Variants in NNT observed in about 807,000 individuals in gnomAD.
The protein encoded by NNT is NAD(P) transhydrogenase, mitochondrial.
A neutral mutation model predicts 104.8 loss-of-function variants in NNT; 50 were observed. That is an observed-to-expected ratio of 0.48 (90% CI 0.38 to 0.60). The LOEUF (loss-of-function observed/expected upper bound fraction) is 0.60. Ranked by LOEUF, NNT falls within the 20% of genes least tolerant of loss-of-function variation. The pLI is 0.00. For synonymous variants in NNT, 461 were observed against 490.4 expected, an observed-to-expected ratio of 0.94 and a Z score of 0.79; for missense variants, 1,131 against 1,330.7, an observed-to-expected ratio of 0.85 and a Z score of 2.33.
chr5:43,632,309 TA>T (rs1265702486), intron 7 of NNT, among the ~76,000 whole-genome samples: 1 of 152,176 alleles, frequency 6.6e-6, no homozygotes, highest in Admixed American at 6.5e-5. Context: ...TTCTCTAAGC[TA>T]AGATTTATAG....
At position 43,651,111 on chromosome 5, in the gene NNT, A is replaced by G. The variant is rs971889087; in HGVS notation, c.1717+524A>G. On this transcript the variant is annotated intron_variant, in intron 12 of 21. Transcript: ENST00000344920. Reference sequence around the variant, plus strand: ...GGTTTTACAAATGTAACAACCTACTAGGAAAAGATACCAATCTTTGATCTT... The same window carrying G: ...GGTTTTACAAATGTAACAACCTACTGGGAAAAGATACCAATCTTTGATCTT... 6.6e-5 allele frequency among the ~76,000 whole-genome samples: 10 copies of G among 152,240 alleles called. 1 individual carries two copies. In the South Asian group the frequency reaches 1.2e-3, roughly 19 times the overall value.
chr5:43,689,230 T>A (rs1742138974), intron 19 of NNT, among the ~76,000 whole-genome samples: 1 of 152,202 alleles, frequency 6.6e-6, no homozygotes, highest in African/African-American at 2.4e-5. Flanking sequence ...TTAGATGGGA[T>A]CGTTTGTTTT....
At chr5:43,648,839 A>G (rs183380650) in intron 10 of NNT, among the ~76,000 whole-genome samples, 3 of 152,338 alleles carry the variant, frequency 2.0e-5, no homozygotes, top group East Asian at 3.8e-4. Context: ...ATTGTTAATA[A>G]AAGTTAAAAC....
At chr5:43,645,037 T>C (rs965815325) in intron 9 of NNT, among the ~76,000 whole-genome samples, 13 of 152,176 alleles carry the variant, frequency 8.5e-5, no homozygotes, top group African/African-American at 3.1e-4. Flanking sequence ...AAAACGGAGA[T>C]GAACAAACAA....
At chr5:43,636,297 T>G (rs1750927758) in intron 7 of NNT, among the ~76,000 whole-genome samples, 1 of 152,182 alleles carries the variant, frequency 6.6e-6, no homozygotes, top group Admixed American at 6.5e-5. Flanking sequence ...GCAATAAAAG[T>G]CCAGACATTC....
intron 17 of NNT, chr5:43,666,633 A>ATTT: frequency 4.6e-6 from 2 of 436,462 alleles, no homozygotes; most frequent in Non-Finnish European, 8.2e-6. Context: ...AGGGAGATCT[A>ATTT]TTTTTTTTTT....
chr5:43,644,937 A>G, intron 9 of NNT, 135 bp downstream of exon 9: 1 of 638,968 alleles, frequency 1.6e-6, no homozygotes, highest in Non-Finnish European at 2.4e-6. Flanking sequence ...ATGCTGATAA[A>G]AATTATTTGT....
chr5:43,704,520 G>T lies in NNT; in HGVS notation c.*116G>T. On this transcript the variant is annotated 3_prime_UTR_variant, in exon 22 of 22. Transcript: ENST00000344920. ...CTGTAGCAAAGCTCTTGGAGAAAAT[G>T]AAGACTGAAGAAAGCAAAGCAAAAA... 9.2e-7 allele frequency: 1 copy of T among 1,081,852 alleles called. No homozygotes were observed. The highest frequency in any genetic ancestry group is 1.3e-6 in the Non-Finnish European group (1 of 775,830). The allele number at this position is 1,081,852 out of a possible 1,614,324, so 67.0% of individuals were successfully genotyped here.
chr5:43,609,420 A>G, intron 2 of NNT, 74 bp downstream of exon 2: 1 of 1,465,972 alleles, frequency 6.8e-7, no homozygotes, highest in Non-Finnish European at 9.4e-7. Context: ...GATTGATAAA[A>G]GGAAAAGCCA....
intron 14 of NNT, among the ~76,000 whole-genome samples, 163 bp from the exon 15 acceptor site, chr5:43,655,677 G>A (rs957664161): frequency 6.6e-6 from 1 of 152,104 alleles, no homozygotes; most frequent in Non-Finnish European, 1.5e-5. Flanking sequence ...TACAACTAGT[G>A]CCCTTACCTT....
At chr5:43,623,257 T>C (rs1395162976) in intron 5 of NNT, among the ~76,000 whole-genome samples, 2 of 152,164 alleles carry the variant, frequency 1.3e-5, no homozygotes, top group Non-Finnish European at 2.9e-5. Flanking sequence ...GGTGGCATTT[T>C]TTTTCTACAG....
Position 43,700,245 on chromosome 5 carries a change from G to A in NNT, c.2995+8G>A, listed in dbSNP as rs780778702. The A allele has an allele frequency of 1.3e-6, 2 of 1,589,194 alleles. No individual in the cohort carries two copies. On this transcript the variant is annotated splice_region_variant and intron_variant, in intron 20 of 21. Transcript: ENST00000344920. ...TCAACCATGATTTTCCAGGTAAGTG[G>A]TGGGGGCAATTGTGAAGTTTAAATA...
At chr5:43,672,887 G>A (rs1045208795) in intron 17 of NNT, among the ~76,000 whole-genome samples, 6 of 152,248 alleles carry the variant, frequency 3.9e-5, no homozygotes, top group Non-Finnish European at 7.3e-5. Flanking sequence ...CAGAGGTGGA[G>A]TCTACAGAGG....
intron 1 of NNT, 48 bp from the exon 2 acceptor site, chr5:43,609,095 A>G: frequency 1.2e-6 from 1 of 862,564 alleles, no homozygotes. Context: ...TTAAAAGACA[A>G]ATAGTTTTTT....
intron 2 of NNT, among the ~76,000 whole-genome samples, chr5:43,610,226 G>A (rs866960187): frequency 1.6e-5 from 2 of 124,756 alleles, no homozygotes; most frequent in African/African-American, 6.1e-5. Context: ...TTTTTTTTAA[G>A]CAGCAGCAAG....
chr5:43,621,322 A>G, intron 5 of NNT, among the ~76,000 whole-genome samples: 1 of 152,190 alleles, frequency 6.6e-6, no homozygotes, highest in East Asian at 1.9e-4. Flanking sequence ...GTGGACCAAG[A>G]CAATTCTTGT....
intron 17 of NNT, among the ~76,000 whole-genome samples, chr5:43,668,219 A>C (rs181731288): frequency 6.9e-6 from 1 of 144,788 alleles, no homozygotes; most frequent in East Asian, 2.0e-4. Flanking sequence ...CCCATTCTGT[A>C]GGTTGCCTAT....
chr5:43,680,029 G>A (rs1214516015), intron 19 of NNT, among the ~76,000 whole-genome samples: 1 of 151,252 alleles, frequency 6.6e-6, no homozygotes, highest in Non-Finnish European at 1.5e-5. Flanking sequence ...ATAGTATGTT[G>A]AATTTTCAAC....
chr5:43,615,855 C>G lies in NNT; in HGVS notation c.389C>G (p.Ala130Gly). 6.2e-7 allele frequency: 1 copy of G among 1,610,094 alleles called. No homozygotes were observed. Among genetic ancestry groups the G allele is most frequent in the Non-Finnish European group, 8.5e-7 (1 of 1,178,230 alleles). The change falls in exon 4 of 22, where the codon GCC (alanine) becomes GGC (glycine). Residue 130 changes from alanine (A) to glycine (G), a missense_variant. Coordinates refer to ENST00000344920, the MANE Select transcript of NNT (RefSeq NM_182977.3). Reference protein sequence around the residue: ...LASDLVVKVRAPMVNPTLGVH... With the variant: ...LASDLVVKVRGPMVNPTLGVH... ...ACTTGATTTTTTCCCCAGGTGCGAG[C>G]CCCTATGGTTAATCCAACATTAGGT...
Sources: allele counts gnomAD v4.1 joint callset (sites outside exome capture counted in the v4.1 genomes callset), GRCh38; gene constraint gnomAD v4.1.1; transcripts MANE v1.5; gene names NCBI Gene and HGNC (gene_info 2026-07-23, HGNC 2026-07-21).